Variants in CPVL observed in about 807,000 individuals in gnomAD.
The protein encoded by CPVL is probable serine carboxypeptidase CPVL.
Under a neutral mutation model 63.7 loss-of-function variants are expected in CPVL, and 51 were observed. The observed-to-expected ratio is 0.80, with a 90% CI of 0.64 to 1.01. The LOEUF is 1.01. Among genes scored for constraint, CPVL ranks in the 50% least tolerant of loss-of-function variants. The pLI, the probability that CPVL is intolerant of heterozygous loss-of-function variation, is 0.00. For synonymous variants in CPVL, 195 were observed against 206.0 expected (o/e 0.95, Z 0.46); for missense variants, 530 against 573.1 (o/e 0.92, Z 0.77).
rs10658501 is a variant in CPVL, at chr7:29,075,519, T to TAAAAAAAAAAAAAAAAAAAA, written c.610-3097_610-3096insTTTTTTTTTTTTTTTTTTTT. Among the ~76,000 whole-genome samples, 6 of 128,978 alleles carry TAAAAAAAAAAAAAAAAAAAA rather than the reference T, an allele frequency of 4.7e-5. 3 individuals are homozygous for TAAAAAAAAAAAAAAAAAAAA. Among genetic ancestry groups the TAAAAAAAAAAAAAAAAAAAA allele is most frequent in the Non-Finnish European group, 6.4e-5 (4 of 62,296 alleles). 84.6% of individuals were successfully genotyped at this position (128,978 alleles called of 152,430 possible). The stretch of plus-strand genomic sequence containing the variant: ...TCTTTTCTATTGAGAAGATACTTCT[T>TAAAAAAAAAAAAAAAAAAAA]AAAAAAAAAAAAAAAAAAGCCATCA... On this transcript the variant is annotated intron_variant, in intron 7 of 12. Transcript: ENST00000265394.
At chr7:29,117,583 T>C (rs1053455072) in intron 2 of CPVL, among the ~76,000 whole-genome samples, 2 of 152,128 alleles carry the variant, frequency 1.3e-5, no homozygotes, top group Non-Finnish European at 2.9e-5. Context: ...GCTGCTCATA[T>C]AGCATAGTGG....
intron 1 of CPVL, among the ~76,000 whole-genome samples, chr7:29,187,621 G>A (rs1324323690): frequency 1.3e-5 from 2 of 152,146 alleles, no homozygotes; most frequent in Middle Eastern, 3.4e-3. Flanking sequence ...CCAGCTACTC[G>A]GGAGGCTGAG....
At chr7:29,159,520 G>A (rs544209600) in intron 5 of CPVL, among the ~76,000 whole-genome samples, 10 of 152,280 alleles carry the variant, frequency 6.6e-5, no homozygotes, top group African/African-American at 2.2e-4. Flanking sequence ...CATGTAACAT[G>A]TATGTGTTAT....
rs773222171 is a variant in CPVL, at chr7:29,121,021, A to G, written c.41T>C (p.Leu14Pro). 3.1e-6 allele frequency: 5 copies of G among 1,609,922 alleles called. No homozygotes were observed. In the South Asian group the frequency reaches 5.6e-5, roughly 18 times the overall value. ...CCCATCACAGGGGCCAGGCATCAAC[A>G]GGACCAGCGAAACAATCACCTTCCA... ...AMWKVIVSLV[L>P]LMPGPCDGLF... The change falls in exon 2 of 13, where the codon CTG becomes CCG. Residue 14 changes from leucine (L) to proline (P), a missense_variant. Physicochemically the swap from Leu to Pro is moderately conservative, Grantham distance 98. Coordinates refer to ENST00000265394, the MANE Select transcript of CPVL (RefSeq NM_031311.5).
intron 1 of CPVL, among the ~76,000 whole-genome samples, chr7:29,123,068 A>G (rs922218157): frequency 6.6e-6 from 1 of 152,194 alleles, no homozygotes; most frequent in Non-Finnish European, 1.5e-5. Context: ...GGATGCAAAA[A>G]GAGATACACA....
chr7:29,004,598 C>T (rs1243706090), intron 12 of CPVL, among the ~76,000 whole-genome samples: 1 of 152,184 alleles, frequency 6.6e-6, no homozygotes, highest in Non-Finnish European at 1.5e-5. Flanking sequence ...AGAGCACGGA[C>T]TTGGGATTTG....
chr7:29,152,740 G>A (rs1054273947), intron 5 of CPVL, among the ~76,000 whole-genome samples: 2 of 152,168 alleles, frequency 1.3e-5, no homozygotes, highest in African/African-American at 2.4e-5. Context: ...AAGAGTTAAC[G>A]CCATTTTGTC....
chr7:29,193,390 G>A (rs1270763846), intron 1 of CPVL: 2 of 152,082 alleles, frequency 1.3e-5, no homozygotes, highest in Non-Finnish European at 2.9e-5. Flanking sequence ...GCTGTTCTGT[G>A]TCACTCCTGA....
chr7:29,146,919 A>G, upstream of CPVL: 1 of 1,551,192 alleles, frequency 6.4e-7, no homozygotes, highest in Non-Finnish European at 8.7e-7. Context: ...TTAAAAAGGC[A>G]ACACACGTTC....
At chr7:29,088,546 A>G (rs902506000) in intron 6 of CPVL, among the ~76,000 whole-genome samples, 1 of 152,162 alleles carries the variant, frequency 6.6e-6, no homozygotes, top group African/African-American at 2.4e-5. Context: ...AAATTTAGTA[A>G]ATTAGATTTA....
chr7:29,062,365 C>T (rs1782704168), intron 11 of CPVL, among the ~76,000 whole-genome samples: 1 of 152,090 alleles, frequency 6.6e-6, no homozygotes, highest in Admixed American at 6.6e-5. Flanking sequence ...AGTCTTGAAG[C>T]AGCAAGCACT....
In CPVL at chr7:29,042,751, C is replaced by T. The variant is rs559910675; in HGVS notation, c.1138-11992G>A. Among the ~76,000 whole-genome samples the T allele has an allele frequency of 3.3e-5, 5 of 152,292 alleles. No individual in the cohort carries two copies. In the South Asian group the frequency reaches 1.0e-3, roughly 32 times the overall value. On this transcript the variant is annotated intron_variant, in intron 11 of 12. Transcript: ENST00000265394. ...CTAATGGGAAGGAAATGATCCTTCC[C>T]AGCTAAAGTGGTCCCGAATGCCAGC... is the stretch of plus-strand genomic sequence containing the variant.
At position 29,120,980 on chromosome 7, in the gene CPVL, A is replaced by G. The variant is rs759294316; in HGVS notation, c.82T>C (p.Tyr28His). 4 of 1,613,988 alleles carry G rather than the reference A, an allele frequency of 2.5e-6. No homozygotes were observed. The Admixed American group carries it at 5.0e-5, about 20-fold the overall frequency. ...TTAGGTGGCATGGAAACACTTCTGT[A>G]TAGGGAGCGAAACAGCCCATCACAG... Reference protein sequence around the residue: ...GPCDGLFRSLYRSVSMPPKGD... With the variant: ...GPCDGLFRSLHRSVSMPPKGD... Residue 28 changes from tyrosine (Y) to histidine (H), a missense_variant, in exon 2 of 13, where the codon TAC becomes CAC. Tyr to His is a moderately conservative substitution (Grantham distance 83, BLOSUM62 2). Transcript: ENST00000265394.
chr7:29,169,918 T>A (rs1279594457), intron 5 of CPVL, among the ~76,000 whole-genome samples: 4 of 151,822 alleles, frequency 2.6e-5, no homozygotes, highest in Non-Finnish European at 5.9e-5. Flanking sequence ...GCTCTGTTGC[T>A]CAGGCTGGGG....
chr7:29,128,069 T>G (rs559153519), intron 1 of CPVL: 2 of 152,016 alleles, frequency 1.3e-5, no homozygotes, highest in African/African-American at 4.8e-5. Flanking sequence ...TTTCTCCCCT[T>G]ACAGTTTCTG....
At chr7:28,998,360 C>T (rs1784292658) in intron 12 of CPVL, among the ~76,000 whole-genome samples, 2 of 152,192 alleles carry the variant, frequency 1.3e-5, no homozygotes, top group Non-Finnish European at 1.5e-5. Context: ...AGTGCTGCAG[C>T]TAACAAAGGA....
chr7:29,078,725 T>C (rs1275848052), intron 7 of CPVL, among the ~76,000 whole-genome samples: 1 of 152,360 alleles, frequency 6.6e-6, no homozygotes, highest in Admixed American at 6.5e-5. Flanking sequence ...CATATTCTTT[T>C]CTGTGCAACC....
intron 9 of CPVL, among the ~76,000 whole-genome samples, chr7:29,069,812 G>GCA (rs1783557933): frequency 7.8e-6 from 1 of 127,548 alleles, no homozygotes; most frequent in South Asian, 2.5e-4. Flanking sequence ...GTGTGTGTGT[G>GCA]TGTGTGTGTG....
At chr7:29,085,912 T>C (rs1785151555) in intron 7 of CPVL, among the ~76,000 whole-genome samples, 1 of 152,196 alleles carries the variant, frequency 6.6e-6, no homozygotes, top group Admixed American at 6.5e-5. Context: ...TCATGAATGA[T>C]GAGGACAACA....
Sources: gnomAD v4.1 joint callset for allele counts (sites outside exome capture counted in the v4.1 genomes callset) on GRCh38, gnomAD v4.1.1 for gene constraint, MANE v1.5 for transcripts, NCBI Gene and HGNC (gene_info 2026-07-23, HGNC 2026-07-21) for gene names.